LRPPRC: variants seen among roughly 807,000 people sequenced by gnomAD.
LRPPRC encodes leucine rich pentatricopeptide repeat containing.
Under a neutral mutation model 180.3 loss-of-function variants are expected in LRPPRC, and 120 were observed. That is an observed-to-expected ratio of 0.67 (90% CI 0.57 to 0.77). The LOEUF is 0.77. Ranked by LOEUF, LRPPRC falls within the 30% of genes least tolerant of loss-of-function variation. LRPPRC has a pLI of 0.00. For missense variants in LRPPRC, 2,012 were observed against 1,657.2 expected (o/e 1.21, Z -3.72); for synonymous variants, 723 against 600.0 (o/e 1.21, Z -3.00).
intron 31 of LRPPRC, 56 bp from the exon 32 acceptor site, chr2:43,901,580 G>A: frequency 8.7e-7 from 1 of 1,152,878 alleles, no homozygotes; most frequent in South Asian, 1.2e-5. Flanking sequence ...TGACTTTAAT[G>A]CATTTTGAAA....
chr2:43,969,833 C>T (rs1673725008), intron 11 of LRPPRC, among the ~76,000 whole-genome samples: 1 of 152,026 alleles, frequency 6.6e-6, no homozygotes, highest in Admixed American at 6.5e-5. Flanking sequence ...TGCCACCTCG[C>T]TCGGCTAATT....
intron 2 of LRPPRC, among the ~76,000 whole-genome samples, chr2:43,980,236 G>A (rs951899280): frequency 6.6e-6 from 1 of 152,088 alleles, no homozygotes; most frequent in African/African-American, 2.4e-5. Flanking sequence ...GGCAGTGCTT[G>A]CTACAATTCA....
chr2:43,932,947 G>A (rs1008955347), intron 25 of LRPPRC, among the ~76,000 whole-genome samples: 12 of 152,172 alleles, frequency 7.9e-5, no homozygotes, highest in African/African-American at 2.2e-4. Flanking sequence ...TTTCCGCTCT[G>A]ATCAGTGACC....
At chr2:43,975,286 CAT>C (rs1001802081) in intron 6 of LRPPRC, 69 bp from the exon 7 acceptor site, 4 of 1,342,178 alleles carry the variant, frequency 3.0e-6, no homozygotes, top group Non-Finnish European at 4.2e-6. Flanking sequence ...CAAACTAAAA[CAT>C]ATGCTTATTA....
At chr2:43,889,221 A>G (rs1361030576) in intron 37 of LRPPRC, among the ~76,000 whole-genome samples, 1 of 143,024 alleles carries the variant, frequency 7.0e-6, no homozygotes, top group Non-Finnish European at 1.5e-5. Context: ...AGGCTGAGGC[A>G]GGAGAATCGC....
intron 5 of LRPPRC, 105 bp downstream of exon 5, chr2:43,976,889 C>A: frequency 1.1e-6 from 1 of 884,210 alleles, no homozygotes; most frequent in South Asian, 1.5e-5. Context: ...AGTTCTGAAA[C>A]AATTTCCTCC....
intron 14 of LRPPRC, among the ~76,000 whole-genome samples, chr2:43,951,733 G>C (rs1320037228): frequency 6.6e-6 from 1 of 152,126 alleles, no homozygotes; most frequent in African/African-American, 2.4e-5. Flanking sequence ...TTTCGTGAAG[G>C]TTTAAAAATT....
At chr2:43,908,913 G>C (rs1328925186) in intron 30 of LRPPRC, among the ~76,000 whole-genome samples, 1 of 152,196 alleles carries the variant, frequency 6.6e-6, no homozygotes, top group Non-Finnish European at 1.5e-5. Flanking sequence ...TCCAGAGTAA[G>C]ACTGCCAGAA....
At chr2:43,978,832 A>G (rs903412685) in intron 3 of LRPPRC, among the ~76,000 whole-genome samples, 2 of 151,940 alleles carry the variant, frequency 1.3e-5, no homozygotes, top group Non-Finnish European at 2.9e-5. Context: ...ACTTTCTTGG[A>G]TTCTTTTCTC....
At chr2:43,960,778 CA>C (rs1673316746) in intron 12 of LRPPRC, 144 bp from the exon 13 acceptor site, 21 of 664,376 alleles carry the variant, frequency 3.2e-5, no homozygotes, top group Non-Finnish European at 5.4e-5. Flanking sequence ...TGAATTTTAG[CA>C]AAAATTTAAA....
intron 14 of LRPPRC, among the ~76,000 whole-genome samples, chr2:43,952,266 G>A (rs1421090108): frequency 2.0e-5 from 3 of 151,856 alleles, no homozygotes; most frequent in Non-Finnish European, 4.4e-5. Context: ...GGAAGGCATG[G>A]AGATAAACTT....
intron 1 of LRPPRC, among the ~76,000 whole-genome samples, chr2:43,991,324 A>T (rs1674770035): frequency 6.6e-6 from 1 of 152,076 alleles, no homozygotes; most frequent in South Asian, 2.1e-4. Context: ...GAACAATAGT[A>T]CCCAGCCGGA....
Position 43,949,516 on chromosome 2 carries a change from A to G in LRPPRC, c.1735+86T>C, listed in dbSNP as rs1192150462. 3 of 923,916 alleles carry G rather than the reference A, an allele frequency of 3.2e-6. No individual in the cohort carries two copies. In the East Asian group the frequency reaches 7.4e-5, roughly 23 times the overall value. The allele number at this position is 923,916 out of a possible 1,614,324, so 57.2% of individuals were successfully genotyped here. A position where few individuals can be genotyped will look rare whatever the true frequency, so the allele number is the denominator to read the frequency against. Reference sequence around the variant, plus strand: ...CAAATTCCACTTTAAAAAATAAAGTATTTACTGCTGTAATCCTCCTAACCC... The same window carrying G: ...CAAATTCCACTTTAAAAAATAAAGTGTTTACTGCTGTAATCCTCCTAACCC... On this transcript the variant is annotated intron_variant, in intron 16 of 37. Coordinates refer to ENST00000260665, the MANE Select transcript of LRPPRC (RefSeq NM_133259.4).
chr2:43,962,900 G>C (rs1024364293), intron 12 of LRPPRC, among the ~76,000 whole-genome samples: 2 of 152,050 alleles, frequency 1.3e-5, no homozygotes, highest in Non-Finnish European at 2.9e-5. Context: ...TAAGCCCAGA[G>C]TTCAAGACCA....
intron 11 of LRPPRC, among the ~76,000 whole-genome samples, chr2:43,965,164 G>C (rs1474113904): frequency 2.0e-5 from 3 of 152,154 alleles, no homozygotes; most frequent in South Asian, 4.1e-4. Context: ...ACCACGACCA[G>C]CTAGTTTTTG....
chr2:43,915,276 A>C (rs541815824), intron 29 of LRPPRC, among the ~76,000 whole-genome samples: 2 of 142,768 alleles, frequency 1.4e-5, no homozygotes, highest in South Asian at 4.5e-4. Flanking sequence ...ACACACACAC[A>C]CAAGTTCATC....
chr2:43,901,441 C>T lies in LRPPRC; in HGVS notation c.3448G>A (p.Ala1150Thr). The T allele has an allele frequency of 2.5e-6, 4 of 1,613,706 alleles. No individual in the cohort carries two copies. The highest frequency in any genetic ancestry group is 3.4e-6 in the Non-Finnish European group (4 of 1,179,614). The change falls in exon 32 of 38, where the codon GCC becomes ACC. Residue 1150 changes from alanine to threonine, a missense_variant. By Grantham distance (58) the Ala-to-Thr change is moderately conservative. Coordinates refer to ENST00000260665, the MANE Select transcript of LRPPRC (RefSeq NM_133259.4). ...ATGTTTTCAACATCACCCTTCATGGCCAATGCCTGGATGACACGGGTCACT... is the reference window on the plus strand; with the variant it reads ...ATGTTTTCAACATCACCCTTCATGGTCAATGCCTGGATGACACGGGTCACT... Reference protein sequence around the residue: ...LAVTRVIQALAMKGDVENIEV... With the variant: ...LAVTRVIQALTMKGDVENIEV...
chr2:43,989,710 A>G (rs2103773231), intron 1 of LRPPRC, among the ~76,000 whole-genome samples: 1 of 152,368 alleles, frequency 6.6e-6, no homozygotes, highest in Admixed American at 6.5e-5. Context: ...GGAAAATGAC[A>G]AGATCAAATG....
At chr2:43,952,714 G>C (rs775436365) in intron 14 of LRPPRC, among the ~76,000 whole-genome samples, 9 of 152,118 alleles carry the variant, frequency 5.9e-5, no homozygotes, top group Non-Finnish European at 1.3e-4. Flanking sequence ...ACGTATTTAA[G>C]TTCTTTGTTT....
Sources: allele counts gnomAD v4.1 joint callset (sites outside exome capture counted in the v4.1 genomes callset), GRCh38; gene constraint gnomAD v4.1.1; transcripts MANE v1.5; gene names NCBI Gene and HGNC (gene_info 2026-07-23, HGNC 2026-07-21).